The following C18orf63 variants were observed in gnomAD, a reference collection of about 807,000 sequenced individuals.
C18orf63 encodes chromosome 18 open reading frame 63.
Under a neutral mutation model 75.3 loss-of-function variants are expected in C18orf63, and 50 were observed. The ratio of observed to expected loss-of-function variants is 0.66; its 90% CI spans 0.53 to 0.84. The LOEUF is 0.84. Ranked by LOEUF, C18orf63 falls within the 40% of genes least tolerant of loss-of-function variation. The pLI is 0.00. For synonymous variants in C18orf63, 232 were observed against 267.6 expected (o/e 0.87, Z 1.30); for missense variants, 732 against 800.2 (o/e 0.91, Z 1.03).
intron 4 of C18orf63, among the ~76,000 whole-genome samples, chr18:74,325,751 A>G (rs748076072): frequency 3.3e-5 from 5 of 152,236 alleles, no homozygotes; most frequent in Non-Finnish European, 7.3e-5. Context: ...TCTTAGAGAG[A>G]TAACAATCCA....
intron 11 of C18orf63, among the ~76,000 whole-genome samples, chr18:74,344,510 C>T (rs1984540254): frequency 6.7e-6 from 1 of 148,386 alleles, no homozygotes; most frequent in Non-Finnish European, 1.5e-5. Flanking sequence ...ACTTAGGAGC[C>T]TCCTACTTAA....
At chr18:74,321,374 G>A (rs187211246) in intron 3 of C18orf63, among the ~76,000 whole-genome samples, 4 of 148,288 alleles carry the variant, frequency 2.7e-5, no homozygotes, top group East Asian at 2.1e-4. Context: ...GCTCCATCTC[G>A]ACTCACTGCT....
rs1467067489 is a variant in C18orf63, at chr18:74,320,504, T to C, written c.135-9T>C. 9.8e-6 allele frequency: 15 copies of C among 1,524,932 alleles called. No individual in the cohort carries two copies. Among genetic ancestry groups the C allele is most frequent in the Non-Finnish European group, 1.1e-5 (13 of 1,138,448 alleles). The allele number at this position is 1,524,932 out of a possible 1,614,324, so 94.5% of individuals were successfully genotyped here. On this transcript the variant is annotated splice_polypyrimidine_tract_variant and intron_variant, in intron 2 of 13. Coordinates refer to ENST00000579455, the MANE Select transcript of C18orf63 (RefSeq NM_001174123.2). ...CCAGTCCACTTTGTAATATATTTCA[T>C]CTCCACAGGCAATTGCTGTTTTTGC... is the stretch of plus-strand genomic sequence containing the variant.
intron 4 of C18orf63, among the ~76,000 whole-genome samples, chr18:74,324,059 T>C (rs1984167899): frequency 6.6e-6 from 1 of 152,204 alleles, no homozygotes; most frequent in Admixed American, 6.5e-5. Flanking sequence ...AATTGTAAAA[T>C]AAATGAATAA....
intron 4 of C18orf63, among the ~76,000 whole-genome samples, chr18:74,326,106 C>A (rs927045903): frequency 2.0e-5 from 3 of 152,158 alleles, no homozygotes; most frequent in Non-Finnish European, 4.4e-5. Flanking sequence ...TGGGTCTGGG[C>A]CCCTGGGGCC....
intron 8 of C18orf63, among the ~76,000 whole-genome samples, chr18:74,339,026 T>C (rs913990078): frequency 3.3e-5 from 5 of 152,060 alleles, no homozygotes; most frequent in African/African-American, 1.2e-4. Flanking sequence ...TTAATAATTT[T>C]ATTATATATT....
intron 11 of C18orf63, among the ~76,000 whole-genome samples, chr18:74,346,798 A>G (rs1984582332): frequency 6.6e-6 from 1 of 152,234 alleles, no homozygotes; most frequent in South Asian, 2.1e-4. Flanking sequence ...TCCTTACAAT[A>G]AGAATTTATC....
chr18:74,355,776 C>G (rs1984754375), intron 13 of C18orf63, among the ~76,000 whole-genome samples: 1 of 152,056 alleles, frequency 6.6e-6, no homozygotes, highest in Non-Finnish European at 1.5e-5. Flanking sequence ...AAAAAATTAG[C>G]TGGACGTGCT....
rs1440103939 is a variant in C18orf63, at chr18:74,353,454, A to T, written c.1187A>T (p.Lys396Met). Residue 396 changes from lysine to methionine, a missense_variant, in exon 12 of 14, where the codon AAG becomes ATG. Coordinates refer to ENST00000579455, the MANE Select transcript of C18orf63 (RefSeq NM_001174123.2). ...HLQPESVQGR[K>M]KSLSIRAPQV... Reference sequence around the variant, plus strand: ...CAGCCAGAGTCTGTTCAGGGTAGAAAGAAATCCCTGTCTATCAGGGCTCCA... The same window carrying T: ...CAGCCAGAGTCTGTTCAGGGTAGAATGAAATCCCTGTCTATCAGGGCTCCA... 1 of 1,536,420 alleles carries T rather than the reference A, an allele frequency of 6.5e-7. No homozygotes were observed. Among genetic ancestry groups the T allele is most frequent in the Admixed American group, 2.0e-5 (1 of 51,002 alleles).
At chr18:74,331,497 G>C (rs73468644) in intron 7 of C18orf63, among the ~76,000 whole-genome samples, 1 of 152,146 alleles carries the variant, frequency 6.6e-6, no homozygotes, top group Non-Finnish European at 1.5e-5. Context: ...CAATGGAAGC[G>C]GTTGAGGGCA....
At chr18:74,320,650 A>G (rs1445233360) in intron 3 of C18orf63, 59 bp downstream of exon 3, 1 of 1,025,162 alleles carries the variant, frequency 9.8e-7, no homozygotes, top group African/African-American at 1.6e-5. Context: ...ATTGATAAAT[A>G]ATAATTTAGG....
intron 5 of C18orf63, 116 bp downstream of exon 5, chr18:74,328,174 A>T (rs903436156): frequency 3.3e-5 from 21 of 643,834 alleles, no homozygotes; most frequent in Non-Finnish European, 4.8e-5. Context: ...AAAATTTATA[A>T]AGGAAAGGTT....
At chr18:74,316,299 A>G (rs1422743913) in intron 1 of C18orf63, among the ~76,000 whole-genome samples, 190 bp downstream of exon 1, 3 of 152,160 alleles carry the variant, frequency 2.0e-5, no homozygotes, top group Non-Finnish European at 4.4e-5. Flanking sequence ...GGAAATTTAT[A>G]GAATCACCTT....
rs74918148 is a variant in C18orf63 at position 74,324,199 on chromosome 18, C to T, written c.270+1445C>T. ...TGTCATATTTGTGATTGTTTTGAAC[C>T]GTGTGGTAGTAGGAGGTGCTCCTTA... On this transcript the variant is annotated intron_variant, in intron 4 of 13. Transcript: ENST00000579455. Among the ~76,000 whole-genome samples, 1,156 of 152,270 alleles carry T rather than the reference C, an allele frequency of 7.6e-3. 27 individuals are homozygous for T. The highest frequency in any genetic ancestry group is 0.075 in the East Asian group (389 of 5,192).
intron 2 of C18orf63, among the ~76,000 whole-genome samples, 153 bp downstream of exon 2, chr18:74,318,152 A>C (rs1392651203): frequency 6.6e-6 from 1 of 152,226 alleles, no homozygotes. Flanking sequence ...TTGACCAGGT[A>C]TATTGGATTA....
intron 4 of C18orf63, among the ~76,000 whole-genome samples, chr18:74,327,727 A>G (rs931236496): frequency 2.0e-5 from 3 of 152,228 alleles, no homozygotes; most frequent in Admixed American, 2.0e-4. Flanking sequence ...GTATTTGGCC[A>G]TGATAGCATG....
rs58576844 is a variant in C18orf63, at chr18:74,330,259, T to C, written c.425-607T>C. Reference sequence around the variant, plus strand: ...TCATTGAATTTTAACAAACTAAACATTCTTGTAACCATTTCTCAGATCAAG... The same window carrying C: ...TCATTGAATTTTAACAAACTAAACACTCTTGTAACCATTTCTCAGATCAAG... On this transcript the variant is annotated intron_variant, in intron 6 of 13. Transcript: ENST00000579455. 8.9e-3 allele frequency among the ~76,000 whole-genome samples: 1,356 copies of C among 152,322 alleles called. 23 individuals are homozygous for C. Among genetic ancestry groups the C allele is most frequent in the African/African-American group, 0.03 (1,266 of 41,566 alleles).
Position 74,338,758 on chromosome 18 carries a change from A to G in C18orf63, c.545A>G (p.His182Arg), listed in dbSNP as rs1156613243. Residue 182 changes from histidine to arginine, a missense_variant, in exon 8 of 14, where the codon CAT (histidine) becomes CGT (arginine). His to Arg is a conservative substitution (Grantham distance 29). Around this residue, in one of 3 missense-constraint regions of C18orf63, gnomAD observed 233 missense variants for 272.7 expected, o/e 0.85. Transcript: ENST00000579455. ...EISQSIIKDF[H>R]ANKHAVIERH... ...TCCCAGAGTATTATAAAGGATTTTC[A>G]TGCTAACAAGCATGCTGTCATTGAG... The G allele has an allele frequency of 4.2e-6, 6 of 1,418,166 alleles. No individual in the cohort carries two copies. In the African/African-American group the frequency reaches 7.1e-5, roughly 17 times the overall value. 87.8% of individuals were successfully genotyped at this position (1,418,166 alleles called of 1,614,324 possible). A position where few individuals can be genotyped will look rare whatever the true frequency, so the allele number is the denominator to read the frequency against.
chr18:74,353,933 G>A lies in C18orf63; in HGVS notation c.1666G>A (p.Gly556Arg), dbSNP rs755203393. 20 of 1,535,904 alleles carry A rather than the reference G, an allele frequency of 1.3e-5. No individual in the cohort carries two copies. In the South Asian group the frequency reaches 1.9e-4, roughly 15 times the overall value. The change falls in exon 12 of 14, where the codon GGG (glycine) becomes AGG (arginine). Residue 556 changes from glycine to arginine, a missense_variant. By Grantham distance (125) the Gly-to-Arg change is moderately radical (BLOSUM62 -2). Transcript: ENST00000579455. ...AVFVVSNNNL[G>R]VVKSAVDFQM... Reference sequence around the variant, plus strand: ...ATTTGTGGTGTCAAATAACAATTTAGGGGTGGTAAAAAGTGCTGTTGACTT... The same window carrying A: ...ATTTGTGGTGTCAAATAACAATTTAAGGGTGGTAAAAAGTGCTGTTGACTT...
Sources: allele counts gnomAD v4.1 joint callset (sites outside exome capture counted in the v4.1 genomes callset), GRCh38; gene constraint gnomAD v4.1.1; regional missense constraint gnomAD v4.1.1; transcripts MANE v1.5; gene names NCBI Gene and HGNC (gene_info 2026-07-23, HGNC 2026-07-21).